Variants in CTNNA2 observed in about 807,000 individuals in gnomAD.
CTNNA2 encodes the protein catenin alpha-2.
Under a neutral mutation model 101.0 loss-of-function variants are expected in CTNNA2, and 42 were observed. The ratio of observed to expected loss-of-function variants is 0.42; its 90% CI spans 0.32 to 0.54. The LOEUF (loss-of-function observed/expected upper bound fraction) is 0.54, where lower values mean the gene tolerates loss of function less well. Among genes scored for constraint, CTNNA2 ranks in the 20% least tolerant of loss-of-function variants. The pLI is 0.14. For missense variants in CTNNA2, 871 were observed against 1,223.1 expected, an observed-to-expected ratio of 0.71 and a Z score of 4.29; for synonymous variants, 450 against 456.4, an observed-to-expected ratio of 0.99 and a Z score of 0.18.
At position 80,146,710 on chromosome 2, in the gene CTNNA2, G is replaced by GTTTTTTTTTT. The variant is rs34019123; in HGVS notation, c.1056+236936_1056+236945dup. Among the ~76,000 whole-genome samples the GTTTTTTTTTT allele has an allele frequency of 1.2e-3, 72 of 61,768 alleles. 15 individuals carry two copies. The highest frequency in any genetic ancestry group is 1.9e-3 in the Non-Finnish European group (61 of 32,540). 40.5% of individuals were successfully genotyped at this position (61,768 alleles called of 152,430 possible). On this transcript the variant is annotated intron_variant, in intron 7 of 18. Transcript: ENST00000402739. Reference sequence around the variant, plus strand: ...TTTCTGAAGTAGGAAGTCCCCTCTGGTTTTTTTTTTTTTTTTTTTTTTTTT... The same window carrying GTTTTTTTTTT: ...TTTCTGAAGTAGGAAGTCCCCTCTGGTTTTTTTTTTTTTTTTTTTTTTTTTTTTTTTTTTT...
At chr2:79,991,406 A>T (rs980671122) in intron 7 of CTNNA2, among the ~76,000 whole-genome samples, 1 of 151,948 alleles carries the variant, frequency 6.6e-6, no homozygotes, top group Non-Finnish European at 1.5e-5. Flanking sequence ...TAATTTTTTG[A>T]TACATGAACT....
intron 3 of CTNNA2, among the ~76,000 whole-genome samples, chr2:79,768,206 G>T (rs2105126104): frequency 6.6e-6 from 1 of 151,762 alleles, no homozygotes; most frequent in East Asian, 2.0e-4. Flanking sequence ...CCTCAGGATT[G>T]CTGAGCTGTC....
At chr2:80,368,887 G>A (rs1003922754) in intron 7 of CTNNA2, among the ~76,000 whole-genome samples, 1 of 123,724 alleles carries the variant, frequency 8.1e-6, no homozygotes, top group African/African-American at 2.9e-5. Flanking sequence ...ATATATATTT[G>A]GCACGCTAGG....
intron 4 of CTNNA2, among the ~76,000 whole-genome samples, chr2:79,503,831 C>A (rs13393361): frequency 0.023 from 3,456 of 152,180 alleles, 158 homozygotes; most frequent in East Asian, 0.19. Flanking sequence ...ACTACCCGGC[C>A]ATTTTGGGTC....
At chr2:80,209,710 T>C (rs1049874702) in intron 7 of CTNNA2, among the ~76,000 whole-genome samples, 1 of 152,236 alleles carries the variant, frequency 6.6e-6, no homozygotes, top group Non-Finnish European at 1.5e-5. Context: ...CATCTGTGCT[T>C]GTACAAAGAG....
chr2:79,547,483 C>G (rs1004212813), intron 1 of CTNNA2: 1 of 152,666 alleles, frequency 6.6e-6, no homozygotes, highest in Non-Finnish European at 1.5e-5. Context: ...ATTCATATGG[C>G]TTCTCTCCAG....
chr2:80,166,041 G>T (rs943261150), intron 7 of CTNNA2, among the ~76,000 whole-genome samples: 1 of 152,130 alleles, frequency 6.6e-6, no homozygotes, highest in Admixed American at 6.6e-5. Context: ...TTTGGTTAGA[G>T]AAAGCAGCTT....
At chr2:79,295,837 T>C (rs1305907408) in intron 2 of CTNNA2, among the ~76,000 whole-genome samples, 1 of 152,012 alleles carries the variant, frequency 6.6e-6, no homozygotes, top group Non-Finnish European at 1.5e-5. Context: ...AATTGAGTAC[T>C]TAATTATATA....
chr2:79,782,742 G>C (rs1674547574), intron 3 of CTNNA2, among the ~76,000 whole-genome samples: 1 of 152,170 alleles, frequency 6.6e-6, no homozygotes, highest in African/African-American at 2.4e-5. Context: ...GCTGCCTCTA[G>C]GGTAGAATGC....
chr2:79,533,710 C>T (rs558077769), intron 1 of CTNNA2, among the ~76,000 whole-genome samples: 112 of 152,078 alleles, frequency 7.4e-4, no homozygotes, highest in Non-Finnish European at 1.5e-3. Flanking sequence ...AATGCTTTAT[C>T]GATCAGGTTC....
intron 7 of CTNNA2, among the ~76,000 whole-genome samples, chr2:80,135,002 C>T (rs915744233): frequency 3.3e-5 from 5 of 152,122 alleles, no homozygotes; most frequent in African/African-American, 1.2e-4. Context: ...ATGCCAGGTG[C>T]AGTATTCCAT....
At chr2:80,437,305 A>T (rs1297501399) in intron 9 of CTNNA2, among the ~76,000 whole-genome samples, 2 of 152,224 alleles carry the variant, frequency 1.3e-5, no homozygotes, top group East Asian at 3.9e-4. Context: ...ATACTTTAGG[A>T]AATTCCAGTT....
intron 7 of CTNNA2, among the ~76,000 whole-genome samples, chr2:80,194,912 G>A (rs913268062): frequency 3.3e-5 from 5 of 151,726 alleles, no homozygotes; most frequent in Non-Finnish European, 7.4e-5. Context: ...TGAAGAACAA[G>A]CGATATTCAG....
intron 4 of CTNNA2, among the ~76,000 whole-genome samples, chr2:79,466,718 G>A (rs1003169640): frequency 6.6e-6 from 1 of 152,210 alleles, no homozygotes; most frequent in African/African-American, 2.4e-5. Context: ...TTGCTGTTCA[G>A]CAATATTCAC....
intron 7 of CTNNA2, among the ~76,000 whole-genome samples, chr2:80,275,869 A>G (rs1172851589): frequency 6.6e-6 from 1 of 152,154 alleles, no homozygotes. Context: ...TTAATGACAT[A>G]TTATTTTCTC....
chr2:80,198,524 T>C (rs2149010735), intron 7 of CTNNA2, among the ~76,000 whole-genome samples: 1 of 152,314 alleles, frequency 6.6e-6, no homozygotes, highest in Non-Finnish European at 1.5e-5. Context: ...AATATTCACC[T>C]CTCTTCAGTT....
At chr2:80,199,485 A>T (rs1457109628) in intron 7 of CTNNA2, among the ~76,000 whole-genome samples, 4 of 152,350 alleles carry the variant, frequency 2.6e-5, no homozygotes, top group African/African-American at 9.6e-5. Flanking sequence ...AAATGCAAAT[A>T]TTCCTGAGGG....
intron 2 of CTNNA2, among the ~76,000 whole-genome samples, chr2:79,282,445 C>T (rs1675417991): frequency 6.6e-6 from 1 of 151,580 alleles, no homozygotes; most frequent in Non-Finnish European, 1.5e-5. Context: ...GTGTGATGTT[C>T]CCCTTCCTGT....
intron 9 of CTNNA2, among the ~76,000 whole-genome samples, chr2:80,472,415 C>A (rs1451304724): frequency 6.6e-6 from 1 of 152,182 alleles, no homozygotes; most frequent in East Asian, 1.9e-4. Flanking sequence ...CATTCTGAAT[C>A]CTGCAGCACA....
Sources: allele counts gnomAD v4.1 joint callset (sites outside exome capture counted in the v4.1 genomes callset), GRCh38; gene constraint gnomAD v4.1.1; transcripts MANE v1.5; gene names NCBI Gene and HGNC (gene_info 2026-07-23, HGNC 2026-07-21).